PKNOX2: variants seen among roughly 807,000 people sequenced by gnomAD.
PKNOX2 encodes the protein PBX/knotted 1 homeobox 2, also known as homeobox protein PKNOX2.
Under a neutral mutation model 53.1 loss-of-function variants are expected in PKNOX2, and 14 were observed. The observed-to-expected ratio is 0.26, with a 90% CI of 0.17 to 0.41. The LOEUF (loss-of-function observed/expected upper bound fraction) is 0.41, where lower values mean the gene tolerates loss of function less well. Ranked by LOEUF, PKNOX2 falls within the 10% of genes least tolerant of loss-of-function variation. PKNOX2 has a pLI of 1.00. For missense variants in PKNOX2, 496 were observed against 602.8 expected (o/e 0.82, Z 1.85); for synonymous variants, 257 against 242.8 (o/e 1.06, Z -0.54).
chr11:125,304,372 A>G (rs1242166119), intron 2 of PKNOX2, among the ~76,000 whole-genome samples: 2 of 152,240 alleles, frequency 1.3e-5, no homozygotes, highest in Admixed American at 1.3e-4. Flanking sequence ...TTCATTCAGA[A>G]CAATTAGCAT....
At chr11:125,238,468 A>G (rs1942905822) in intron 2 of PKNOX2, among the ~76,000 whole-genome samples, 2 of 152,212 alleles carry the variant, frequency 1.3e-5, no homozygotes, top group Non-Finnish European at 2.9e-5. Context: ...GGAGGCTTAG[A>G]GAGCAAGAGG....
intron 1 of PKNOX2, among the ~76,000 whole-genome samples, chr11:125,192,909 G>A (rs1956967557): frequency 1.3e-5 from 2 of 152,202 alleles, no homozygotes; most frequent in African/African-American, 4.8e-5. Flanking sequence ...TGAGCGAGGG[G>A]CTGTTTGCAT....
chr11:125,322,554 C>T (rs73621077), intron 2 of PKNOX2, among the ~76,000 whole-genome samples: 3,562 of 152,308 alleles, frequency 0.023, 148 homozygotes, highest in African/African-American at 0.079. Context: ...GCGCTGCTCT[C>T]GTGGGGGTTT....
chr11:125,222,031 A>T (rs1183736445), intron 1 of PKNOX2, among the ~76,000 whole-genome samples: 2 of 152,222 alleles, frequency 1.3e-5, no homozygotes, highest in Admixed American at 1.3e-4. Context: ...GATGAGAATC[A>T]TGCCTTTCAA....
In PKNOX2 at chr11:125,267,252, C is replaced by G. The variant is rs1008415220; in HGVS notation, c.-130+32137C>G. Among the ~76,000 whole-genome samples, 4 of 152,328 alleles carry G rather than the reference C, an allele frequency of 2.6e-5. No individual in the cohort carries two copies. In the East Asian group the frequency reaches 5.8e-4, roughly 22 times the overall value. Reference sequence around the variant, plus strand: ...GTTCTACCAAACTCCTCCCCTTGTGCTCATGTGTGTGTTCCCGTACCCACG... The same window carrying G: ...GTTCTACCAAACTCCTCCCCTTGTGGTCATGTGTGTGTTCCCGTACCCACG... On this transcript the variant is annotated intron_variant, in intron 2 of 12. Coordinates refer to ENST00000298282, the MANE Select transcript of PKNOX2 (RefSeq NM_001382323.2).
intron 5 of PKNOX2, among the ~76,000 whole-genome samples, chr11:125,377,626 C>T (rs977509791): frequency 2.0e-5 from 3 of 152,294 alleles, no homozygotes; most frequent in South Asian, 4.2e-4. Flanking sequence ...CCAGCCACCA[C>T]CTTTCTCTGC....
intron 3 of PKNOX2, among the ~76,000 whole-genome samples, chr11:125,334,717 G>T (rs1477453337): frequency 1.3e-5 from 2 of 151,562 alleles, no homozygotes; most frequent in Non-Finnish European, 2.9e-5. Context: ...TCCTGCCTCA[G>T]TCTCCTGAGT....
chr11:125,182,406 G>A (rs1167269109), intron 1 of PKNOX2, among the ~76,000 whole-genome samples: 2 of 152,178 alleles, frequency 1.3e-5, no homozygotes, highest in African/African-American at 4.8e-5. Flanking sequence ...AAGGTAAAGG[G>A]CTTTGGCTTT....
intron 2 of PKNOX2, among the ~76,000 whole-genome samples, chr11:125,280,201 A>C (rs1340058055): frequency 1.3e-5 from 2 of 151,800 alleles, no homozygotes; most frequent in African/African-American, 4.8e-5. Context: ...GGGGCTGAGA[A>C]ATGTGGTGAA....
chr11:125,199,449 G>C (rs1027581273), intron 1 of PKNOX2, among the ~76,000 whole-genome samples: 2 of 152,206 alleles, frequency 1.3e-5, no homozygotes, highest in Admixed American at 6.5e-5. Context: ...ATCCATCTGA[G>C]AAAAACCAAC....
intron 2 of PKNOX2, among the ~76,000 whole-genome samples, chr11:125,303,512 C>T (rs939480514): frequency 1.3e-5 from 2 of 152,116 alleles, no homozygotes; most frequent in African/African-American, 4.8e-5. Flanking sequence ...AGCTCTCTGG[C>T]GCTGCCTGGG....
chr11:125,310,444 G>A (rs1268676019), intron 2 of PKNOX2, among the ~76,000 whole-genome samples: 1 of 151,410 alleles, frequency 6.6e-6, no homozygotes, highest in Admixed American at 6.6e-5. Flanking sequence ...GCAGTGAGCC[G>A]AGATCCTACC....
intron 5 of PKNOX2, among the ~76,000 whole-genome samples, chr11:125,381,853 CT>C (rs1196307233): frequency 6.6e-6 from 1 of 152,192 alleles, no homozygotes; most frequent in African/African-American, 2.4e-5. Flanking sequence ...AGTCCCTTAG[CT>C]CCTTGCGTGA....
At chr11:125,329,136 C>T (rs73621090) in intron 2 of PKNOX2, among the ~76,000 whole-genome samples, 3,433 of 152,252 alleles carry the variant, frequency 0.023, 133 homozygotes, top group African/African-American at 0.076. Flanking sequence ...TTATAGTATA[C>T]CCATAAATGG....
intron 2 of PKNOX2, among the ~76,000 whole-genome samples, chr11:125,241,750 G>A (rs572434568): frequency 1.3e-5 from 2 of 152,326 alleles, no homozygotes; most frequent in African/African-American, 4.8e-5. Flanking sequence ...AGTTACTCAG[G>A]AGGCTGAGGC....
At chr11:125,330,062 C>T (rs1234515653) in intron 2 of PKNOX2, among the ~76,000 whole-genome samples, 1 of 152,084 alleles carries the variant, frequency 6.6e-6, no homozygotes, top group East Asian at 1.9e-4. Context: ...TGCCTGGAAG[C>T]AGCAGTGCAG....
intron 2 of PKNOX2, among the ~76,000 whole-genome samples, chr11:125,249,122 A>C (rs1943808160): frequency 8.1e-6 from 1 of 124,012 alleles, no homozygotes; most frequent in South Asian, 2.7e-4. Context: ...GTGATTATAA[A>C]TTTTTACTGG....
intron 2 of PKNOX2, among the ~76,000 whole-genome samples, chr11:125,272,011 A>T (rs1945827621): frequency 6.6e-6 from 1 of 152,252 alleles, no homozygotes; most frequent in Non-Finnish European, 1.5e-5. Context: ...CGCTATAGCG[A>T]CAAATCACAG....
chr11:125,289,582 A>C (rs764524123), intron 2 of PKNOX2, among the ~76,000 whole-genome samples: 1 of 152,104 alleles, frequency 6.6e-6, no homozygotes, highest in Non-Finnish European at 1.5e-5. Flanking sequence ...TCTCTCCCTG[A>C]GCTTTCAGGC....
Sources: gnomAD v4.1 joint callset for allele counts (sites outside exome capture counted in the v4.1 genomes callset) on GRCh38, gnomAD v4.1.1 for gene constraint, MANE v1.5 for transcripts, NCBI Gene and HGNC (gene_info 2026-07-23, HGNC 2026-07-21) for gene names.